The following CNTN4 variants were observed in gnomAD, a reference collection of about 807,000 sequenced individuals.
The protein encoded by CNTN4 is contactin-4.
Under a neutral mutation model 122.5 loss-of-function variants are expected in CNTN4, and 77 were observed. The observed-to-expected ratio is 0.63, with a 90% confidence interval of 0.52 to 0.76. The LOEUF is 0.76. Ranked by LOEUF, CNTN4 falls within the 30% of genes least tolerant of loss-of-function variation. The pLI, the probability that CNTN4 is intolerant of heterozygous loss-of-function variation, is 0.00. For missense variants in CNTN4, 1,256 were observed against 1,259.1 expected, an observed-to-expected ratio of 1.00 and a Z score of 0.04; for synonymous variants, 512 against 447.0, an observed-to-expected ratio of 1.15 and a Z score of -1.83.
chr3:2,886,860 A>T (rs2093984921), intron 9 of CNTN4, among the ~76,000 whole-genome samples, 180 bp from the exon 10 acceptor site: 1 of 152,216 alleles, frequency 6.6e-6, no homozygotes, highest in Admixed American at 6.5e-5. Context: ...TTTTAAGAAC[A>T]CTAAATAAGT....
chr3:2,718,329 C>T (rs1446394515), intron 4 of CNTN4, among the ~76,000 whole-genome samples: 1 of 151,940 alleles, frequency 6.6e-6, no homozygotes, highest in Non-Finnish European at 1.5e-5. Flanking sequence ...TGGTAATTAT[C>T]TATGGAATAT....
intron 8 of CNTN4, chr3:2,882,766 T>C (rs1401490278): frequency 4.7e-6 from 1 of 214,186 alleles, no homozygotes; most frequent in African/African-American, 2.3e-5. Flanking sequence ...TTGAGTACTT[T>C]TATTAATAAA....
chr3:2,564,302 A>G (rs1576010211), intron 3 of CNTN4, among the ~76,000 whole-genome samples: 1 of 152,192 alleles, frequency 6.6e-6, no homozygotes, highest in East Asian at 1.9e-4. Context: ...ATAAGTGATT[A>G]CTTAGTGAAG....
At chr3:2,335,616 G>A (rs953495792) in intron 2 of CNTN4, among the ~76,000 whole-genome samples, 1 of 149,406 alleles carries the variant, frequency 6.7e-6, no homozygotes, top group Non-Finnish European at 1.5e-5. Flanking sequence ...CTTCTTTCAA[G>A]GTATGAAATT....
intron 13 of CNTN4, among the ~76,000 whole-genome samples, chr3:2,937,867 C>G (rs1481252105): frequency 6.6e-6 from 1 of 151,844 alleles, no homozygotes; most frequent in African/African-American, 2.4e-5. Context: ...GGAGAAGTCT[C>G]CATGCTGGAG....
chr3:2,922,651 C>A (rs1315922342), intron 12 of CNTN4, among the ~76,000 whole-genome samples: 1 of 124,104 alleles, frequency 8.1e-6, no homozygotes, highest in Non-Finnish European at 1.6e-5. Context: ...CTAGCTCTGT[C>A]CCCCAGGCTG....
At chr3:2,653,684 G>C (rs958698253) in intron 4 of CNTN4, among the ~76,000 whole-genome samples, 1 of 151,908 alleles carries the variant, frequency 6.6e-6, no homozygotes, top group African/African-American at 2.4e-5. Context: ...TTTTTGTATT[G>C]CTTCTATCTG....
intron 3 of CNTN4, among the ~76,000 whole-genome samples, chr3:2,391,473 A>T (rs2046439915): frequency 6.6e-6 from 1 of 152,230 alleles, no homozygotes; most frequent in South Asian, 2.1e-4. Flanking sequence ...GAATACAATG[A>T]AGTAGCTGTC....
At chr3:2,908,707 A>C (rs1369315873) in intron 12 of CNTN4, among the ~76,000 whole-genome samples, 1 of 152,238 alleles carries the variant, frequency 6.6e-6, no homozygotes, top group Admixed American at 6.5e-5. Flanking sequence ...GATTTTGCTT[A>C]TATATGTGAG....
intron 3 of CNTN4, among the ~76,000 whole-genome samples, chr3:2,466,857 T>C (rs1363178833): frequency 6.6e-6 from 1 of 152,200 alleles, no homozygotes; most frequent in Admixed American, 6.6e-5. Context: ...TTCCAACTGT[T>C]ATTTAATCAT....
intron 7 of CNTN4, among the ~76,000 whole-genome samples, chr3:2,859,087 A>G (rs2093646946): frequency 6.6e-6 from 1 of 152,202 alleles, no homozygotes. Flanking sequence ...GCTTCTGGTA[A>G]TCACAATTCT....
intron 3 of CNTN4, among the ~76,000 whole-genome samples, chr3:2,377,847 G>C (rs946381828): frequency 1.3e-5 from 2 of 151,292 alleles, no homozygotes; most frequent in Non-Finnish European, 2.9e-5. Context: ...ATTCCTCTTC[G>C]TCCAGTGCGA....
chr3:2,260,280 C>G (rs56395509), intron 2 of CNTN4, among the ~76,000 whole-genome samples: 833 of 152,172 alleles, frequency 5.5e-3, no homozygotes, highest in Non-Finnish European at 7.2e-3. Context: ...TCAGCAGCTA[C>G]CATGGCCTCT....
chr3:2,106,220 T>G (rs2032430151), intron 2 of CNTN4, among the ~76,000 whole-genome samples: 1 of 152,266 alleles, frequency 6.6e-6, no homozygotes, highest in South Asian at 2.1e-4. Context: ...TGTCAGTGGA[T>G]CTACCATTCT....
chr3:2,283,475 A>AT lies in CNTN4; in HGVS notation c.-144-55702dup, dbSNP rs1559411249. On this transcript the variant is annotated intron_variant, in intron 2 of 24. Transcript: ENST00000418658. ...AAGATTAAGCAACATTTTCATAAAT[A>AT]TGTCACTGAAACAGGCTCACAAAGC... is the stretch of plus-strand genomic sequence containing the variant. Among the ~76,000 whole-genome samples the AT allele has an allele frequency of 4.6e-5, 7 of 152,290 alleles. No individual in the cohort carries two copies. The East Asian group carries it at 1.3e-3, about 29-fold the overall frequency.
intron 7 of CNTN4, among the ~76,000 whole-genome samples, chr3:2,844,867 G>T (rs908037377): frequency 6.6e-6 from 1 of 152,110 alleles, no homozygotes; most frequent in Non-Finnish European, 1.5e-5. Flanking sequence ...CATTCCTTCC[G>T]TAATGCATAA....
intron 6 of CNTN4, among the ~76,000 whole-genome samples, chr3:2,753,016 A>G (rs1399606930): frequency 6.6e-6 from 1 of 152,140 alleles, no homozygotes; most frequent in East Asian, 1.9e-4. Context: ...TGATCCATTC[A>G]TCCATTGATG....
intron 4 of CNTN4, among the ~76,000 whole-genome samples, chr3:2,650,133 T>C (rs2083299212): frequency 1.3e-5 from 2 of 150,190 alleles, no homozygotes; most frequent in South Asian, 4.2e-4. Flanking sequence ...TTATAATTCA[T>C]GAAAAGAGGT....
intron 5 of CNTN4, among the ~76,000 whole-genome samples, chr3:2,743,557 A>C (rs1434158622): frequency 6.6e-6 from 1 of 152,184 alleles, no homozygotes; most frequent in East Asian, 1.9e-4. Flanking sequence ...ATGTGTTGCT[A>C]TGTGGTAGTG....
Sources: allele counts gnomAD v4.1 joint callset (sites outside exome capture counted in the v4.1 genomes callset), GRCh38; gene constraint gnomAD v4.1.1; transcripts MANE v1.5; gene names NCBI Gene and HGNC (gene_info 2026-07-23, HGNC 2026-07-21).